The following UTP20 variants were observed in gnomAD, a reference collection of about 807,000 sequenced individuals.
UTP20 encodes small subunit processome component 20 homolog.
A neutral mutation model predicts 329.5 loss-of-function variants in UTP20; 164 were observed. That is an observed-to-expected ratio of 0.50 (90% CI 0.44 to 0.57). The LOEUF (loss-of-function observed/expected upper bound fraction) is 0.57, where lower values mean the gene tolerates loss of function less well. UTP20 is among the 20% of genes least tolerant of loss of function. UTP20 has a pLI of 0.00. For synonymous variants in UTP20, 1,151 were observed against 1,159.3 expected (o/e 0.99, Z 0.14); for missense variants, 3,055 against 3,284.2 (o/e 0.93, Z 1.71).
At chr12:101,302,411 A>G (rs781733005) in intron 14 of UTP20, 37 bp from the exon 15 acceptor site, 1 of 1,271,112 alleles carries the variant, frequency 7.9e-7, no homozygotes, top group Non-Finnish European at 1.1e-6. Flanking sequence ...TGTCAAAGAA[A>G]TAAGTAATGT....
At chr12:101,362,248 G>T (rs966130985) in intron 44 of UTP20, among the ~76,000 whole-genome samples, 188 bp downstream of exon 44, 6 of 152,124 alleles carry the variant, frequency 3.9e-5, no homozygotes, top group African/African-American at 1.4e-4. Flanking sequence ...ACTGCAAGGA[G>T]GTCATAAATT....
At chr12:101,352,877 CT>C (rs1269869201) in intron 39 of UTP20, among the ~76,000 whole-genome samples, 169 bp from the exon 40 acceptor site, 2 of 151,982 alleles carry the variant, frequency 1.3e-5, no homozygotes, top group African/African-American at 4.8e-5. Flanking sequence ...TTTCTGTAAT[CT>C]CAATTTACTT....
At position 101,311,755 on chromosome 12, in the gene UTP20, G is replaced by A; in HGVS notation, c.2268G>A (p.Trp756Ter). 1 of 1,612,882 alleles carries A rather than the reference G, an allele frequency of 6.2e-7. No homozygotes were observed. Among genetic ancestry groups the A allele is most frequent in the Non-Finnish European group, 8.5e-7 (1 of 1,179,778 alleles). Residue 756 changes from tryptophan to a stop codon, truncating the protein, a stop_gained, in exon 20 of 62, where the codon TGG becomes TGA. Coordinates refer to ENST00000261637, the MANE Select transcript of UTP20 (RefSeq NM_014503.3). LOFTEE classifies it high-confidence loss of function. Reference sequence around the variant, plus strand: ...ACGAAATGGAAAATAAGCAATTTTGGAAAGTCTACTATGAGCATCTAGAAA... The same window carrying A: ...ACGAAATGGAAAATAAGCAATTTTGAAAAGTCTACTATGAGCATCTAGAAA... ...HAHEMENKQF[W>*]KVYYEHLEKA...
chr12:101,290,029 T>G, intron 6 of UTP20, 108 bp from the exon 7 acceptor site: 1 of 858,642 alleles, frequency 1.2e-6, no homozygotes, highest in South Asian at 2.5e-5. Context: ...TCACAATTTT[T>G]TCCTAAGTAT....
chr12:101,345,300 A>T (rs1869286595), intron 36 of UTP20, among the ~76,000 whole-genome samples: 1 of 151,378 alleles, frequency 6.6e-6, no homozygotes, highest in Admixed American at 6.6e-5. Context: ...TTTGTTTTTG[A>T]GACAGGGGCT....
intron 12 of UTP20, among the ~76,000 whole-genome samples, chr12:101,296,674 G>A (rs1210720319): frequency 2.0e-5 from 3 of 152,086 alleles, no homozygotes; most frequent in Non-Finnish European, 4.4e-5. Context: ...CGTGAACCCA[G>A]GAGGTAGAGG....
rs1304674120 is a variant in UTP20, at chr12:101,363,560, C to T, written c.5791-16C>T. 7 of 1,606,024 alleles carry T rather than the reference C, an allele frequency of 4.4e-6. No homozygotes were observed. In the South Asian group the frequency reaches 6.7e-5, roughly 15 times the overall value. On this transcript the variant is annotated splice_polypyrimidine_tract_variant and intron_variant, in intron 44 of 61. Transcript: ENST00000261637. ...CTGAGTGCATATAATTGCCATTTGT[C>T]CTTTTTCTTCCAAAGATTTTTAACC...
In UTP20 at chr12:101,281,340, A is replaced by AT. The variant is rs1265470469; in HGVS notation, c.126+145dup. 47 of 635,690 alleles carry AT rather than the reference A, an allele frequency of 7.4e-5. 1 individual carries two copies. The East Asian group carries it at 1.3e-3, about 18-fold the overall frequency. The allele number at this position is 635,690 out of a possible 1,614,324, so 39.4% of individuals were successfully genotyped here. A position where few individuals can be genotyped will look rare whatever the true frequency, so the allele number is the denominator to read the frequency against. On this transcript the variant is annotated intron_variant, in intron 2 of 61. Transcript: ENST00000261637. ...GTGCTGTTTCATACAGTAGCCACAT[A>AT]TGACAAATTGGATTTAAAGTAAATT...
chr12:101,316,400 G>A (rs1389313649), intron 21 of UTP20, among the ~76,000 whole-genome samples: 2 of 152,216 alleles, frequency 1.3e-5, no homozygotes, highest in African/African-American at 4.8e-5. Flanking sequence ...ATTGAATGTT[G>A]TAAGTATAAT....
At chr12:101,302,668 T>G (rs1351629879) in intron 15 of UTP20, 115 bp downstream of exon 15, 1 of 621,964 alleles carries the variant, frequency 1.6e-6, no homozygotes, top group Non-Finnish European at 2.6e-6. Context: ...CTGAGTTGTA[T>G]TCACGTAGTG....
rs58255436 is a variant in UTP20, at chr12:101,318,042, T to C, written c.2738+379T>C. On this transcript the variant is annotated intron_variant, in intron 22 of 61. Transcript: ENST00000261637. ...GGAACATGTAATGGAACATCCTTTTTCTTAAAAATAAGCATGTTAGCAATT... is the reference window on the plus strand; with the variant it reads ...GGAACATGTAATGGAACATCCTTTTCCTTAAAAATAAGCATGTTAGCAATT... 4.2e-3 allele frequency among the ~76,000 whole-genome samples: 642 copies of C among 152,328 alleles called. 5 individuals carry two copies. The highest frequency in any genetic ancestry group is 0.014 in the African/African-American group (597 of 41,570).
intron 29 of UTP20, among the ~76,000 whole-genome samples, chr12:101,336,820 A>G (rs190432145): frequency 3.9e-5 from 6 of 152,318 alleles, no homozygotes; most frequent in Non-Finnish European, 7.3e-5. Flanking sequence ...GGAATTGCTG[A>G]TTGAGCCATT....
chr12:101,329,173 T>G (rs1868669557), intron 26 of UTP20, 68 bp from the exon 27 acceptor site: 1 of 1,358,708 alleles, frequency 7.4e-7, no homozygotes, highest in South Asian at 1.3e-5. Context: ...GAAATAAAAC[T>G]ACAATTATAA....
In UTP20 at chr12:101,289,014, T is replaced by C; in HGVS notation, c.570T>C (p.Ala190=). The change falls in exon 6 of 62, where the codon GCT becomes GCC. Residue 190 remains alanine, a synonymous_variant. Transcript: ENST00000261637. ...HKKLHIRNFA[A]ESFTFLMRKV... Reference sequence around the variant, plus strand: ...AACTACATATAAGAAATTTTGCTGCTGAAAGTTTTACTTTTTTGATGAGAA... The same window carrying C: ...AACTACATATAAGAAATTTTGCTGCCGAAAGTTTTACTTTTTTGATGAGAA... The C allele has an allele frequency of 6.2e-6, 10 of 1,613,920 alleles. No homozygotes were observed. The highest frequency in any genetic ancestry group is 1.1e-5 in the South Asian group (1 of 91,078).
chr12:101,379,629 T>A, intron 57 of UTP20, 71 bp downstream of exon 57: 7 of 1,496,454 alleles, frequency 4.7e-6, no homozygotes, highest in Non-Finnish European at 5.4e-6. Context: ...TGTAACTATC[T>A]TCGGGCCAGC....
At chr12:101,369,965 G>A in intron 49 of UTP20, 74 bp downstream of exon 49, 1 of 1,463,108 alleles carries the variant, frequency 6.8e-7, no homozygotes, top group African/African-American at 1.4e-5. Flanking sequence ...TATAATCCCA[G>A]CACTTTGGGA....
chr12:101,353,886 C>A (rs1416531686), intron 40 of UTP20, among the ~76,000 whole-genome samples: 3 of 152,022 alleles, frequency 2.0e-5, no homozygotes, highest in Non-Finnish European at 4.4e-5. Flanking sequence ...TGTACAAATT[C>A]TTAGAAAAAT....
intron 32 of UTP20, among the ~76,000 whole-genome samples, chr12:101,341,170 G>A (rs964293575): frequency 2.6e-5 from 4 of 151,762 alleles, no homozygotes; most frequent in South Asian, 2.1e-4. Flanking sequence ...TAGGGATGGG[G>A]TTTCACCGTG....
At chr12:101,383,363 G>A (rs1870718683) in intron 59 of UTP20, 50 bp downstream of exon 59, 1 of 1,540,496 alleles carries the variant, frequency 6.5e-7, no homozygotes. Flanking sequence ...TCTTTAAAAA[G>A]TATTTTAATG....
Sources: allele counts gnomAD v4.1 joint callset (sites outside exome capture counted in the v4.1 genomes callset), GRCh38; gene constraint gnomAD v4.1.1; transcripts MANE v1.5; gene names NCBI Gene and HGNC (gene_info 2026-07-23, HGNC 2026-07-21).